Variants in B4GALT6 observed in about 807,000 individuals in gnomAD.
B4GALT6 encodes beta-1,4-galactosyltransferase 6.
A neutral mutation model predicts 46.3 loss-of-function variants in B4GALT6; 14 were observed. That is an observed-to-expected ratio of 0.30 (90% CI 0.20 to 0.47). The LOEUF (loss-of-function observed/expected upper bound fraction) is 0.47. B4GALT6 is among the 20% of genes least tolerant of loss of function. The pLI, the probability that B4GALT6 is intolerant of heterozygous loss-of-function variation, is 0.99. For missense variants in B4GALT6, 386 were observed against 480.1 expected, an observed-to-expected ratio of 0.80 and a Z score of 1.83; for synonymous variants, 168 against 162.0, an observed-to-expected ratio of 1.04 and a Z score of -0.28.
chr18:31,723,773 CT>C, the B4GALT6 span, among the ~76,000 whole-genome samples: 16 of 152,216 alleles, frequency 1.1e-4, no homozygotes, highest in Non-Finnish European at 2.4e-4. Context: ...GCCTGCCACC[CT>C]AACTGGCGCA....
chr18:31,719,952 T>C, the B4GALT6 span, among the ~76,000 whole-genome samples: 1 of 152,220 alleles, frequency 6.6e-6, no homozygotes, highest in African/African-American at 2.4e-5. Context: ...TTCAGACTCT[T>C]GGAGCCAGAG....
the B4GALT6 span, among the ~76,000 whole-genome samples, chr18:31,720,913 G>T: frequency 1.3e-5 from 2 of 152,168 alleles, no homozygotes; most frequent in Non-Finnish European, 2.9e-5. Context: ...GAGGCAGGGG[G>T]AAGTGTTTAA....
At chr18:31,717,190 A>G in the B4GALT6 span, among the ~76,000 whole-genome samples, 10 of 152,358 alleles carry the variant, frequency 6.6e-5, no homozygotes, top group Non-Finnish European at 1.2e-4. Context: ...TGTTCAACAT[A>G]GAAGAATGGA....
chr18:31,662,856 CA>C (rs993469549), intron 2 of B4GALT6, among the ~76,000 whole-genome samples: 3 of 151,816 alleles, frequency 2.0e-5, no homozygotes, highest in East Asian at 1.9e-4. Flanking sequence ...AAAACAAAAA[CA>C]AAAAAACCCA....
upstream of B4GALT6, among the ~76,000 whole-genome samples, chr18:31,690,358 T>G (rs941673293): frequency 1.3e-5 from 2 of 152,192 alleles, no homozygotes; most frequent in Non-Finnish European, 2.9e-5. Context: ...CTCAAACTCC[T>G]GACCTCAGGT....
At chr18:31,685,886 A>C (rs749199879), upstream of B4GALT6, 2 of 152,136 alleles carry the variant, frequency 1.3e-5, no homozygotes, top group Non-Finnish European at 2.9e-5. Flanking sequence ...GCGCGGACCT[A>C]TGTGCGTCCC....
chr18:31,645,033 A>G (rs1366377381), intron 4 of B4GALT6, among the ~76,000 whole-genome samples: 1 of 152,146 alleles, frequency 6.6e-6, no homozygotes, highest in African/African-American at 2.4e-5. Context: ...GAGGCAGGGA[A>G]CTCACAGCCT....
At chr18:31,639,854 G>GATC (rs909154047) in intron 4 of B4GALT6, among the ~76,000 whole-genome samples, 14 of 152,080 alleles carry the variant, frequency 9.2e-5, no homozygotes, top group Non-Finnish European at 1.5e-4. Flanking sequence ...ATAAATGAAT[G>GATC]ATCATCAATC....
chr18:31,713,862 G>A, the B4GALT6 span, among the ~76,000 whole-genome samples: 87 of 152,314 alleles, frequency 5.7e-4, no homozygotes, highest in African/African-American at 2.0e-3. Flanking sequence ...TAATTGGTGC[G>A]TCACAGCATC....
intron 5 of B4GALT6, among the ~76,000 whole-genome samples, chr18:31,631,945 A>G (rs2073796674): frequency 6.6e-6 from 1 of 152,200 alleles, no homozygotes; most frequent in South Asian, 2.1e-4. Flanking sequence ...TTTTTAAGGG[A>G]CAAAAAATAC....
chr18:31,693,823 C>T, the B4GALT6 span, among the ~76,000 whole-genome samples: 3 of 151,892 alleles, frequency 2.0e-5, no homozygotes, highest in Non-Finnish European at 2.9e-5. Context: ...CAAAAATTGC[C>T]CAGGCATGGC....
At chr18:31,653,005 TTTTG>T (rs995293562) in intron 3 of B4GALT6, among the ~76,000 whole-genome samples, 64 of 152,046 alleles carry the variant, frequency 4.2e-4, no homozygotes, top group African/African-American at 1.4e-3. Flanking sequence ...CAGTGGTGTT[TTTTG>T]TTTATTTTTG....
chr18:31,651,978 G>A (rs1251137563), intron 3 of B4GALT6, among the ~76,000 whole-genome samples: 2 of 152,076 alleles, frequency 1.3e-5, no homozygotes, highest in African/African-American at 4.8e-5. Context: ...CACTGTGTTA[G>A]CCAGGATGGT....
chr18:31,668,727 G>A (rs767990499), intron 1 of B4GALT6, among the ~76,000 whole-genome samples: 9 of 151,930 alleles, frequency 5.9e-5, no homozygotes, highest in Non-Finnish European at 8.8e-5. Flanking sequence ...CTGGCCGGGC[G>A]TGGTGGCTCA....
chr18:31,711,657 C>A, the B4GALT6 span, among the ~76,000 whole-genome samples: 1 of 152,144 alleles, frequency 6.6e-6, no homozygotes, highest in Non-Finnish European at 1.5e-5. Context: ...ATGTTCTCTC[C>A]TTTCCAATGT....
intron 3 of B4GALT6, among the ~76,000 whole-genome samples, chr18:31,653,816 G>A (rs1040464202): frequency 3.9e-5 from 6 of 151,992 alleles, no homozygotes; most frequent in African/African-American, 1.5e-4. Flanking sequence ...ACATGACCAC[G>A]TTCAGTCTTG....
chr18:31,684,845 G>A (rs2074526981), upstream of B4GALT6: 1 of 858,278 alleles, frequency 1.2e-6, no homozygotes, highest in Non-Finnish European at 1.4e-6. Context: ...ACTGCAGCAC[G>A]CCCGGCTCCG....
chr18:31,702,923 A>T, the B4GALT6 span, among the ~76,000 whole-genome samples: 1 of 152,338 alleles, frequency 6.6e-6, no homozygotes, highest in East Asian at 1.9e-4. Flanking sequence ...ATGGGGATAT[A>T]GACACACTTA....
chr18:31,716,620 A>C, the B4GALT6 span, among the ~76,000 whole-genome samples: 1 of 152,210 alleles, frequency 6.6e-6, no homozygotes, highest in Non-Finnish European at 1.5e-5. Flanking sequence ...TCCAGAGGGC[A>C]GATAACTAAC....
Sources: allele counts gnomAD v4.1 joint callset (sites outside exome capture counted in the v4.1 genomes callset), GRCh38; gene constraint gnomAD v4.1.1; transcripts MANE v1.5; gene names NCBI Gene and HGNC (gene_info 2026-07-23, HGNC 2026-07-21).